Variants in SLC5A1 observed in about 807,000 individuals in gnomAD.
SLC5A1 encodes the protein sodium/glucose cotransporter 1.
In SLC5A1, 42 loss-of-function variants were observed where a neutral mutation model predicts 73.5. The ratio of observed to expected loss-of-function variants is 0.57; its 90% confidence interval spans 0.45 to 0.74. SLC5A1 has a LOEUF of 0.74. Among genes scored for constraint, SLC5A1 ranks in the 30% least tolerant of loss-of-function variants. The pLI is 0.00. For synonymous variants in SLC5A1, 300 were observed against 317.4 expected (o/e 0.95, Z 0.58); for missense variants, 634 against 855.4 (o/e 0.74, Z 3.23).
rs780176626 is a variant in SLC5A1, at chr22:32,104,831, A to G, written c.1711A>G (p.Ile571Val). The change falls in exon 14 of 15, where the codon ATT (isoleucine) becomes GTT (valine). Residue 571 changes from isoleucine (I) to valine (V), a missense_variant. Physicochemically the swap from Ile to Val is conservative, Grantham distance 29. Around this residue, in one of 3 missense-constraint regions of SLC5A1, gnomAD observed 161 missense variants for 178.7 expected, o/e 0.90. Coordinates refer to ENST00000266088, the MANE Select transcript of SLC5A1 (RefSeq NM_000343.4). ...CCTGCGCAACAGCAAAGAGGAGCGTATTGACCTGGATGCGGAAGAGGAGAA... is the reference window on the plus strand; with the variant it reads ...CCTGCGCAACAGCAAAGAGGAGCGTGTTGACCTGGATGCGGAAGAGGAGAA... ...WSLRNSKEER[I>V]DLDAEEENIQ... 7 of 1,614,046 alleles carry G rather than the reference A, an allele frequency of 4.3e-6. No homozygotes were observed. The highest frequency in any genetic ancestry group is 3.3e-5 in the Admixed American group (2 of 59,988).
intron 2 of SLC5A1, among the ~76,000 whole-genome samples, chr22:32,057,191 T>A (rs2093953142): frequency 6.6e-6 from 1 of 152,246 alleles, no homozygotes; most frequent in Non-Finnish European, 1.5e-5. Context: ...CAAGTATGAT[T>A]ATTGATACAG....
intron 5 of SLC5A1, among the ~76,000 whole-genome samples, chr22:32,077,845 C>T (rs1229081856): frequency 5.9e-5 from 9 of 152,046 alleles, no homozygotes; most frequent in Non-Finnish European, 1.0e-4. Flanking sequence ...TATGGGTACC[C>T]GTATAGCCAT....
rs1260871547 is a variant in SLC5A1 at position 32,067,979 on chromosome 22, G to T, written c.325G>T (p.Val109Leu). The change falls in exon 4 of 15, where the codon GTG becomes TTG. Residue 109 changes from valine (V) to leucine (L), a missense_variant. Val to Leu is a conservative substitution (Grantham distance 32). Transcript: ENST00000266088. Reference protein sequence around the residue: ...GGFEWNALVLVVVLGWLFVPI... With the variant: ...GGFEWNALVLLVVLGWLFVPI... ...GTGTTCATTTCAGGCCCTGGTTTTG[G>T]TGGTTGTGCTGGGCTGGCTGTTTGT... The T allele has an allele frequency of 5.6e-6, 9 of 1,614,048 alleles. No individual in the cohort carries two copies. Among genetic ancestry groups the T allele is most frequent in the African/African-American group, 2.7e-5 (2 of 74,936 alleles).
chr22:32,059,777 G>C (rs556581775), intron 2 of SLC5A1, among the ~76,000 whole-genome samples: 1 of 152,142 alleles, frequency 6.6e-6, no homozygotes. Context: ...ATTGTTTGCG[G>C]AATGATTTCC....
intron 5 of SLC5A1, among the ~76,000 whole-genome samples, chr22:32,078,931 G>A (rs948610985): frequency 1.3e-4 from 17 of 132,784 alleles, no homozygotes; most frequent in Admixed American, 2.5e-4. Context: ...CTCCAGCCTG[G>A]CGAAAGAGCA....
chr22:32,068,600 G>A lies in SLC5A1; in HGVS notation c.477G>A (p.Ser159=), dbSNP rs775435397. Residue 159 remains serine, a splice_region_variant and synonymous_variant, in exon 5 of 15, where the codon TCG becomes TCA. Coordinates refer to ENST00000266088, the MANE Select transcript of SLC5A1 (RefSeq NM_000343.4). ...TGCTCTACATTTTCACCAAGATCTC[G>A]GTGAGTCCACTGCCCCAGAGGGCTG... ...SLLLYIFTKI[S]ADIFSGAIFI... 1.4e-5 allele frequency: 23 copies of A among 1,603,948 alleles called. No homozygotes were observed. The highest frequency in any genetic ancestry group is 4.4e-5 in the South Asian group (4 of 90,898).
At chr22:32,106,654 C>A (rs1347373857) in intron 14 of SLC5A1, among the ~76,000 whole-genome samples, 1 of 152,188 alleles carries the variant, frequency 6.6e-6, no homozygotes, top group African/African-American at 2.4e-5. Flanking sequence ...AATCAAATTT[C>A]TCTCGAAGAC....
At chr22:32,102,811 G>A (rs1306874834) in intron 13 of SLC5A1, among the ~76,000 whole-genome samples, 1 of 152,118 alleles carries the variant, frequency 6.6e-6, no homozygotes, top group East Asian at 1.9e-4. Flanking sequence ...TATATATGGT[G>A]AGAACATGAG....
chr22:32,084,557 C>T lies in SLC5A1; in HGVS notation c.783C>T (p.Asp261=), dbSNP rs1318145376. The change falls in exon 8 of 15, where the codon GAC becomes GAT. Residue 261 remains aspartate, a synonymous_variant. Transcript: ENST00000266088. ...AAAAATGCTACACTCCAAGGGCCGA[C>T]TCCTTCCACATCTTCCGAGATCCCC... ...FQEKCYTPRA[D]SFHIFRDPLT... 2.5e-6 allele frequency: 4 copies of T among 1,614,264 alleles called. No homozygotes were observed. In the South Asian group the frequency reaches 4.4e-5, roughly 18 times the overall value.
Position 32,085,011 on chromosome 22 carries a change from A to G in SLC5A1, c.997A>G (p.Met333Val). The G allele has an allele frequency of 6.2e-7, 1 of 1,614,192 alleles. No homozygotes were observed. Among genetic ancestry groups the G allele is most frequent in the Non-Finnish European group, 8.5e-7 (1 of 1,180,014 alleles). ...CATGTTCATCATGGTGATGCCAGGA[A>G]TGATCAGCCGCATTCTGTACACAGG... Reference protein sequence around the residue: ...MPMFIMVMPGMISRILYTEKI... With the variant: ...MPMFIMVMPGVISRILYTEKI... Residue 333 changes from methionine (M) to valine (V), a missense_variant, in exon 9 of 15, where the codon ATG becomes GTG. Met to Val is a conservative substitution (Grantham distance 21). Around this residue, in one of 3 missense-constraint regions of SLC5A1, gnomAD observed 422 missense variants for 626.1 expected, o/e 0.67. Coordinates refer to ENST00000266088, the MANE Select transcript of SLC5A1 (RefSeq NM_000343.4).
rs2093989581 is a variant in SLC5A1 at position 32,075,589 on chromosome 22, C to A, written c.478-6277C>A. On this transcript the variant is annotated intron_variant, in intron 5 of 14. Coordinates refer to ENST00000266088, the MANE Select transcript of SLC5A1 (RefSeq NM_000343.4). The stretch of plus-strand genomic sequence containing the variant: ...CTACCTTCTAAGTCTTTCATTCTTC[C>A]AGTACAGAGTAGGTTAGAATTCAAG... Among the ~76,000 whole-genome samples, 5 of 152,162 alleles carry A rather than the reference C, an allele frequency of 3.3e-5. 1 individual carries two copies. In the South Asian group the frequency reaches 1.0e-3, roughly 32 times the overall value.
chr22:32,082,914 T>C (rs972569119), intron 6 of SLC5A1, 160 bp from the exon 7 acceptor site: 1 of 693,162 alleles, frequency 1.4e-6, no homozygotes, highest in East Asian at 2.7e-5. Context: ...AGCAAAATAC[T>C]GTAACAGGAC....
intron 1 of SLC5A1, among the ~76,000 whole-genome samples, chr22:32,046,717 T>C (rs1053305254): frequency 3.3e-5 from 5 of 152,228 alleles, no homozygotes; most frequent in African/African-American, 9.6e-5. Context: ...GACAGAGGCC[T>C]AAAGTTCTTC....
intron 5 of SLC5A1, among the ~76,000 whole-genome samples, chr22:32,079,446 A>G (rs1297368458): frequency 3.9e-5 from 6 of 152,176 alleles, no homozygotes; most frequent in Non-Finnish European, 5.9e-5. Context: ...TTAGCCCAAC[A>G]CTTTTCAGAA....
intron 10 of SLC5A1, among the ~76,000 whole-genome samples, chr22:32,091,184 T>C (rs2094016615): frequency 6.6e-6 from 1 of 152,126 alleles, no homozygotes; most frequent in African/African-American, 2.4e-5. Flanking sequence ...GATGGCTTAC[T>C]TTCTTGAGAG....
chr22:32,109,288 G>C (rs1476678427), intron 14 of SLC5A1, among the ~76,000 whole-genome samples: 2 of 152,160 alleles, frequency 1.3e-5, no homozygotes, highest in African/African-American at 4.8e-5. Flanking sequence ...GTGAGTGCCA[G>C]AGTGGGCATT....
intron 2 of SLC5A1, among the ~76,000 whole-genome samples, chr22:32,066,164 C>T (rs529269649): frequency 1.3e-5 from 2 of 152,236 alleles, no homozygotes; most frequent in East Asian, 3.9e-4. Flanking sequence ...TTCTCCTTTC[C>T]CCTTCCAGTC....
intron 12 of SLC5A1, among the ~76,000 whole-genome samples, chr22:32,100,527 TGTTGA>T (rs966716551): frequency 1.6e-3 from 240 of 152,314 alleles, no homozygotes; most frequent in African/African-American, 5.7e-3. Flanking sequence ...GTACCTAATT[TGTTGA>T]GTTTTTATTA....
chr22:32,086,988 T>C, intron 10 of SLC5A1, among the ~76,000 whole-genome samples: 1 of 152,204 alleles, frequency 6.6e-6, no homozygotes, highest in East Asian at 1.9e-4. Context: ...AACATTATGT[T>C]TAGTGAAATA....
Sources: allele counts gnomAD v4.1 joint callset (sites outside exome capture counted in the v4.1 genomes callset), GRCh38; gene constraint gnomAD v4.1.1; regional missense constraint gnomAD v4.1.1; transcripts MANE v1.5; gene names NCBI Gene and HGNC (gene_info 2026-07-23, HGNC 2026-07-21).